GLIS3: variants seen among roughly 807,000 people sequenced by gnomAD.
The protein encoded by GLIS3 is zinc finger protein GLIS3.
GLIS3 carries 53 observed loss-of-function variants against 78.6 expected under a neutral mutation model. The observed-to-expected ratio is 0.67, with a 90% confidence interval of 0.54 to 0.85. GLIS3 has a LOEUF of 0.85. Among genes scored for constraint, GLIS3 ranks in the 40% least tolerant of loss-of-function variants. The pLI is 0.00. For synonymous variants in GLIS3, 684 were observed against 509.9 expected (o/e 1.34, Z -4.60); for missense variants, 1,703 against 1,231.1 (o/e 1.38, Z -5.74).
intron 4 of GLIS3, chr9:4,035,711 C>T (rs1187156394): frequency 1.3e-5 from 2 of 152,212 alleles, no homozygotes; most frequent in African/African-American, 4.8e-5. Flanking sequence ...AACTATCCAA[C>T]TTCCTAGAAG....
chr9:4,236,204 AAAAGAAAG>A (rs1554630098), intron 2 of GLIS3, among the ~76,000 whole-genome samples: 2 of 86,342 alleles, frequency 2.3e-5, no homozygotes, highest in African/African-American at 8.7e-5. Flanking sequence ...AAAAAAAAAA[AAAAGAAAG>A]AAAGAAAGAA....
the GLIS3 span, among the ~76,000 whole-genome samples, chr9:4,362,616 G>A: frequency 2.6e-5 from 4 of 152,158 alleles, no homozygotes; most frequent in African/African-American, 7.2e-5. Context: ...GGACTCCAGT[G>A]GCAAAGGAAT....
At chr9:4,376,511 T>G in the GLIS3 span, among the ~76,000 whole-genome samples, 1 of 136,718 alleles carries the variant, frequency 7.3e-6, no homozygotes, top group Non-Finnish European at 1.7e-5. Context: ...AAGCCAAGTG[T>G]CCAAACACAA....
chr9:3,872,412 C>T (rs1821026495), intron 8 of GLIS3, among the ~76,000 whole-genome samples: 1 of 152,194 alleles, frequency 6.6e-6, no homozygotes, highest in South Asian at 2.1e-4. Flanking sequence ...CTGTTAAAGA[C>T]ATACCCAAGA....
chr9:3,927,606 T>G (rs1825340881), intron 6 of GLIS3, among the ~76,000 whole-genome samples: 1 of 152,244 alleles, frequency 6.6e-6, no homozygotes, highest in Non-Finnish European at 1.5e-5. Context: ...GATATTTTTC[T>G]GTATTTACGG....
the GLIS3 span, among the ~76,000 whole-genome samples, chr9:4,441,182 G>C: frequency 4.6e-5 from 7 of 152,094 alleles, no homozygotes; most frequent in Non-Finnish European, 8.8e-5. Flanking sequence ...AAGACTTCTA[G>C]TATTATGCTG....
chr9:4,463,554 TA>T, the GLIS3 span, among the ~76,000 whole-genome samples: 1 of 152,220 alleles, frequency 6.6e-6, no homozygotes, highest in African/African-American at 2.4e-5. Context: ...GATTAATTTA[TA>T]CTAAGGTGTG....
At chr9:4,222,503 C>T (rs1373330734) in intron 2 of GLIS3, among the ~76,000 whole-genome samples, 1 of 152,222 alleles carries the variant, frequency 6.6e-6, no homozygotes, top group Non-Finnish European at 1.5e-5. Context: ...ACTTAACACT[C>T]ACCACCTACA....
chr9:3,902,765 T>A (rs1823408502), intron 6 of GLIS3, among the ~76,000 whole-genome samples: 1 of 152,192 alleles, frequency 6.6e-6, no homozygotes, highest in South Asian at 2.1e-4. Flanking sequence ...AAACTAATAG[T>A]TTTCTGTTTA....
At chr9:3,871,068 C>T (rs115012542) in intron 8 of GLIS3, among the ~76,000 whole-genome samples, 5,305 of 152,260 alleles carry the variant, frequency 0.035, 331 homozygotes, top group African/African-American at 0.12. Flanking sequence ...AGGGGCTACA[C>T]GGCACATGCA....
chr9:4,067,820 G>A (rs1462443361), intron 4 of GLIS3, among the ~76,000 whole-genome samples: 3 of 151,634 alleles, frequency 2.0e-5, no homozygotes, highest in East Asian at 3.9e-4. Context: ...AAAATATATG[G>A]TTACCAGCAA....
intron 2 of GLIS3, among the ~76,000 whole-genome samples, chr9:4,239,785 T>A (rs1823119362): frequency 6.6e-6 from 1 of 152,268 alleles, no homozygotes; most frequent in African/African-American, 2.4e-5. Context: ...TGAAGCTATG[T>A]CTAAATGCAG....
chr9:4,132,217 G>A (rs1586761521), intron 2 of GLIS3, among the ~76,000 whole-genome samples: 1 of 152,206 alleles, frequency 6.6e-6, no homozygotes, highest in East Asian at 1.9e-4. Flanking sequence ...TGAAACATGT[G>A]TTTACTGCTC....
At chr9:4,432,939 C>T in the GLIS3 span, among the ~76,000 whole-genome samples, 3 of 152,124 alleles carry the variant, frequency 2.0e-5, no homozygotes, top group Non-Finnish European at 4.4e-5. Flanking sequence ...TGAGCTACCA[C>T]ACCCAGCAAC....
At chr9:4,350,155 G>A (rs781452088), upstream of GLIS3, among the ~76,000 whole-genome samples, 2 of 152,300 alleles carry the variant, frequency 1.3e-5, no homozygotes, top group South Asian at 2.1e-4. Flanking sequence ...AGAGAAGACC[G>A]AGAGCTATCA....
At chr9:3,958,261 T>C (rs1321922808) in intron 4 of GLIS3, among the ~76,000 whole-genome samples, 2 of 152,118 alleles carry the variant, frequency 1.3e-5, no homozygotes, top group Non-Finnish European at 2.9e-5. Flanking sequence ...TTTTTGAAGA[T>C]GAGAGGAAGA....
the GLIS3 span, among the ~76,000 whole-genome samples, chr9:4,389,389 C>G: frequency 6.6e-6 from 1 of 152,136 alleles, no homozygotes; most frequent in Non-Finnish European, 1.5e-5. Context: ...TGACTTACAG[C>G]CCAGAACTCG....
At chr9:4,344,188 T>C (rs1817872660) in intron 2 of GLIS3, among the ~76,000 whole-genome samples, 1 of 152,062 alleles carries the variant, frequency 6.6e-6, no homozygotes. Context: ...ACAGCAAGTC[T>C]CCCGATAAAA....
intron 4 of GLIS3, among the ~76,000 whole-genome samples, chr9:4,058,132 T>C (rs1035072760): frequency 7.9e-5 from 12 of 152,138 alleles, no homozygotes; most frequent in Middle Eastern, 3.2e-3. Context: ...ACAAGACTTG[T>C]TTCTAGAGAA....
Sources: gnomAD v4.1 joint callset for allele counts (sites outside exome capture counted in the v4.1 genomes callset) on GRCh38, gnomAD v4.1.1 for gene constraint, MANE v1.5 for transcripts, NCBI Gene and HGNC (gene_info 2026-07-23, HGNC 2026-07-21) for gene names.